The following DNM3 variants were observed in gnomAD, a reference collection of about 807,000 sequenced individuals.
DNM3 encodes the protein dynamin-3.
Under a neutral mutation model 101.6 loss-of-function variants are expected in DNM3, and 47 were observed. That is an observed-to-expected ratio of 0.46 (90% CI 0.37 to 0.59). The LOEUF (loss-of-function observed/expected upper bound fraction) is 0.59. DNM3 is among the 20% of genes least tolerant of loss of function. The pLI is 0.00. For missense variants in DNM3, 849 were observed against 1,085.7 expected (o/e 0.78, Z 3.06); for synonymous variants, 385 against 387.9 (o/e 0.99, Z 0.09).
intron 16 of DNM3, among the ~76,000 whole-genome samples, chr1:172,320,615 A>G (rs2065664673): frequency 6.6e-6 from 1 of 152,158 alleles, no homozygotes; most frequent in African/African-American, 2.4e-5. Context: ...TGTGTCCATG[A>G]AGCTGTAATT....
chr1:172,179,398 T>G (rs10489298), intron 14 of DNM3, among the ~76,000 whole-genome samples: 28,360 of 151,838 alleles, frequency 0.19, 3,685 homozygotes, highest in African/African-American at 0.37. Context: ...ATGAACGTGC[T>G]TTGAAAAGTT....
intron 15 of DNM3, among the ~76,000 whole-genome samples, chr1:172,297,223 C>T (rs1228624945): frequency 3.4e-5 from 5 of 147,966 alleles, no homozygotes; most frequent in Non-Finnish European, 7.5e-5. Flanking sequence ...TTCAATTCTT[C>T]TTGAGTTAAT....
At chr1:172,098,275 G>A (rs771957744) in intron 13 of DNM3, among the ~76,000 whole-genome samples, 7 of 152,242 alleles carry the variant, frequency 4.6e-5, no homozygotes, top group East Asian at 1.9e-4. Flanking sequence ...CCTCAGGGAC[G>A]CATTCTCTTT....
intron 17 of DNM3, among the ~76,000 whole-genome samples, chr1:172,330,575 A>G (rs78721279): frequency 0.02 from 3,033 of 152,160 alleles, 126 homozygotes; most frequent in African/African-American, 0.069. Context: ...TCTGGTACAG[A>G]ATTTACACCA....
chr1:172,037,195 C>G (rs2049034417), intron 6 of DNM3, among the ~76,000 whole-genome samples: 1 of 152,152 alleles, frequency 6.6e-6, no homozygotes, highest in East Asian at 1.9e-4. Context: ...GTTGGTGGGA[C>G]TGTAAACTAG....
chr1:172,153,418 G>A (rs139451442), intron 14 of DNM3, among the ~76,000 whole-genome samples: 1 of 152,156 alleles, frequency 6.6e-6, no homozygotes, highest in Non-Finnish European at 1.5e-5. Flanking sequence ...TATTAAACTA[G>A]TTATTTTATC....
intron 1 of DNM3, among the ~76,000 whole-genome samples, chr1:171,913,346 G>A (rs918967132): frequency 4.6e-5 from 7 of 152,190 alleles, no homozygotes; most frequent in African/African-American, 9.6e-5. Flanking sequence ...AATTATGATG[G>A]TATTGAGTAC....
intron 15 of DNM3, among the ~76,000 whole-genome samples, chr1:172,292,601 T>TCACACACACACA (rs3079013): frequency 2.0e-3 from 302 of 148,686 alleles, no homozygotes; most frequent in South Asian, 0.013. Context: ...ATAGAAGACT[T>TCACACACACACA]CACACACACA....
chr1:172,107,171 T>A (rs2055117620), intron 13 of DNM3, among the ~76,000 whole-genome samples: 1 of 152,190 alleles, frequency 6.6e-6, no homozygotes, highest in African/African-American at 2.4e-5. Flanking sequence ...GTAACATTAT[T>A]CTTTATAAAA....
chr1:172,194,051 G>C (rs2059848021), intron 14 of DNM3, among the ~76,000 whole-genome samples: 1 of 152,098 alleles, frequency 6.6e-6, no homozygotes, highest in Non-Finnish European at 1.5e-5. Flanking sequence ...AGAGATTCTG[G>C]TATGTTGTGT....
chr1:172,267,006 T>C (rs1199949102), intron 15 of DNM3, among the ~76,000 whole-genome samples: 1 of 152,184 alleles, frequency 6.6e-6, no homozygotes, highest in African/African-American at 2.4e-5. Context: ...AGTGAACTGG[T>C]GGCACTCAGG....
At chr1:172,308,421 A>G in intron 15 of DNM3, among the ~76,000 whole-genome samples, 1 of 152,208 alleles carries the variant, frequency 6.6e-6, no homozygotes, top group Non-Finnish European at 1.5e-5. Context: ...TTCCTTCCCC[A>G]CAGCACAAGT....
chr1:172,038,811 T>G (rs1442763315), intron 7 of DNM3, among the ~76,000 whole-genome samples: 1 of 152,182 alleles, frequency 6.6e-6, no homozygotes. Context: ...TTTCAGCTGT[T>G]TCTATGGATG....
At chr1:172,183,109 A>G (rs1436490829) in intron 14 of DNM3, among the ~76,000 whole-genome samples, 1 of 152,110 alleles carries the variant, frequency 6.6e-6, no homozygotes, top group Non-Finnish European at 1.5e-5. Context: ...GTGGGAAGTG[A>G]TGGCCATAGA....
chr1:172,213,928 ACAGCCATCATTATTTGGCATAG>A (rs2060602852), intron 14 of DNM3, among the ~76,000 whole-genome samples: 1 of 152,138 alleles, frequency 6.6e-6, no homozygotes, highest in Non-Finnish European at 1.5e-5. Flanking sequence ...TTAAACAAAA[ACAGCCATCATTATTTGGCATAG>A]CAAGAGTTTT....
At chr1:172,385,905 T>C (rs2069152702) in intron 18 of DNM3, among the ~76,000 whole-genome samples, 1 of 152,246 alleles carries the variant, frequency 6.6e-6, no homozygotes, top group South Asian at 2.1e-4. Flanking sequence ...AAAATAATGA[T>C]ACTTAAACAA....
At chr1:172,210,880 G>A (rs2060491401) in intron 14 of DNM3, among the ~76,000 whole-genome samples, 1 of 152,050 alleles carries the variant, frequency 6.6e-6, no homozygotes, top group East Asian at 1.9e-4. Context: ...CAAAAGCCAA[G>A]TGTGAGGGAA....
chr1:172,174,316 A>C (rs186109457), intron 14 of DNM3, among the ~76,000 whole-genome samples: 2 of 151,650 alleles, frequency 1.3e-5, no homozygotes, highest in East Asian at 3.9e-4. Flanking sequence ...AAATTAATGG[A>C]ACCTAAGTTT....
intron 14 of DNM3, among the ~76,000 whole-genome samples, chr1:172,160,967 A>G (rs1429660081): frequency 4.6e-5 from 7 of 151,908 alleles, no homozygotes; most frequent in Non-Finnish European, 1.0e-4. Flanking sequence ...TCATTGACTC[A>G]AATGTTATGT....
Sources: allele counts gnomAD v4.1 joint callset (sites outside exome capture counted in the v4.1 genomes callset), GRCh38; gene constraint gnomAD v4.1.1; transcripts MANE v1.5; gene names NCBI Gene and HGNC (gene_info 2026-07-23, HGNC 2026-07-21).